The following CHRDL1 variants were observed in gnomAD, a reference collection of about 807,000 sequenced individuals.
CHRDL1 encodes the protein chordin like 1.
A neutral mutation model predicts 40.9 loss-of-function variants in CHRDL1; 19 were observed. The ratio of observed to expected loss-of-function variants is 0.46; its 90% confidence interval spans 0.32 to 0.68. The LOEUF is 0.68. Among genes scored for constraint, CHRDL1 ranks in the 30% least tolerant of loss-of-function variants. The probability of loss-of-function intolerance (pLI) is 0.03; values close to 1 mark genes in which losing one functional copy is unlikely to be tolerated. For synonymous variants in CHRDL1, 136 were observed against 123.4 expected, an observed-to-expected ratio of 1.10 and a Z score of -0.68; for missense variants, 329 against 352.1, an observed-to-expected ratio of 0.93 and a Z score of 0.53.
At chrX:110,778,781 C>T (rs190403439) in intron 2 of CHRDL1, among the ~76,000 whole-genome samples, 2 of 111,824 alleles carry the variant, frequency 1.8e-5, no homozygotes, top group East Asian at 5.6e-4. Flanking sequence ...AATCACTCTA[C>T]CATAAAGACA....
chrX:110,688,052 T>A (rs759278843), intron 9 of CHRDL1, among the ~76,000 whole-genome samples: 142 of 110,954 alleles, frequency 1.3e-3, no homozygotes, highest in Non-Finnish European at 2.3e-3. Flanking sequence ...ATAATATAAT[T>A]ATAGGATTAT....
intron 4 of CHRDL1, among the ~76,000 whole-genome samples, chrX:110,757,943 G>A (rs957799976): frequency 9.2e-6 from 1 of 108,666 alleles, no homozygotes; most frequent in Non-Finnish European, 1.9e-5. Flanking sequence ...CCATGCTCTG[G>A]GTCTGGGTCA....
chrX:110,750,369 C>T (rs1390380862), intron 4 of CHRDL1, among the ~76,000 whole-genome samples: 2 of 110,719 alleles, frequency 1.8e-5, no homozygotes, highest in African/African-American at 6.6e-5. Flanking sequence ...CTCAGAATCA[C>T]AGGTCACAGG....
At chrX:110,697,704 A>G (rs1349867714) in intron 7 of CHRDL1, among the ~76,000 whole-genome samples, 1 of 108,521 alleles carries the variant, frequency 9.2e-6, no homozygotes, top group African/African-American at 3.4e-5. Flanking sequence ...CGTAATCTAC[A>G]GGGGGCAAAA....
At chrX:110,736,153 G>A (rs1158843058) in intron 4 of CHRDL1, among the ~76,000 whole-genome samples, 1 of 112,282 alleles carries the variant, frequency 8.9e-6, no homozygotes, top group Non-Finnish European at 1.9e-5. Flanking sequence ...CGACCAAGGA[G>A]GCAGCTCATC....
At position 110,792,149 on chromosome X, in the gene CHRDL1, T is replaced by A. The variant is rs767421916; in HGVS notation, c.33A>T (p.Lys11Asn). ...GAAAGAACAACAACGAAAAGATGTA[T>A]TTCATGCCTCCCATTTTCCACTTTT... MRKKWKMGGM[K>N]YIFSLLFFLL... The change falls in exon 2 of 12, where the codon AAA becomes AAT. Residue 11 changes from lysine (K) to asparagine (N), a missense_variant. Coordinates refer to ENST00000372042, the MANE Select transcript of CHRDL1 (RefSeq NM_001143981.2). 5.8e-6 allele frequency: 7 copies of A among 1,200,319 alleles called. No homozygotes were observed. Among genetic ancestry groups the A allele is most frequent in the Non-Finnish European group, 7.9e-6 (7 of 886,526 alleles).
At chrX:110,696,335 C>A (rs1297668289) in intron 7 of CHRDL1, among the ~76,000 whole-genome samples, 2 of 111,152 alleles carry the variant, frequency 1.8e-5, no homozygotes, top group Non-Finnish European at 3.8e-5. Flanking sequence ...ACAAAATCCT[C>A]AAGAATTTTG....
chrX:110,695,984 T>A (rs2070378897), intron 7 of CHRDL1, among the ~76,000 whole-genome samples: 1 of 112,232 alleles, frequency 8.9e-6, no homozygotes, highest in South Asian at 3.7e-4. Context: ...AGTTCAAATA[T>A]TTCTCATTCC....
intron 7 of CHRDL1, among the ~76,000 whole-genome samples, chrX:110,696,644 T>C (rs1022224362): frequency 2.7e-5 from 3 of 111,631 alleles, no homozygotes; most frequent in South Asian, 3.8e-4. Flanking sequence ...AAAAGTTCAT[T>C]CAGCTACAAT....
intron 2 of CHRDL1, among the ~76,000 whole-genome samples, chrX:110,766,146 T>G (rs1460301677): frequency 9.0e-6 from 1 of 111,661 alleles, no homozygotes; most frequent in African/African-American, 3.2e-5. Flanking sequence ...TTCTTCAAAC[T>G]GAATGATAAT....
intron 4 of CHRDL1, among the ~76,000 whole-genome samples, chrX:110,740,234 T>C (rs1235315004): frequency 3.6e-5 from 4 of 112,565 alleles, no homozygotes; most frequent in Non-Finnish European, 7.5e-5. Context: ...AAGGAGTTCT[T>C]AGAGTGTGTG....
rs1178356160 is a variant in CHRDL1, at chrX:110,689,751, ATATC to A, written c.779-952_779-949del. Among the ~76,000 whole-genome samples, 31 of 54,877 alleles carry A rather than the reference ATATC, an allele frequency of 5.6e-4. 1 individual carries two copies. In the South Asian group the frequency reaches 0.021, roughly 37 times the overall value. The allele number at this position is 54,877 out of a possible 115,157, so 47.7% of individuals were successfully genotyped here. On this transcript the variant is annotated intron_variant, in intron 8 of 11. Transcript: ENST00000372042. ...TATCTATATATCTATATATATCTAT[ATATC>A]TATATATCTATATATATCTATATAT... is the stretch of plus-strand genomic sequence containing the variant.
chrX:110,749,495 G>C (rs1475885314), intron 4 of CHRDL1, among the ~76,000 whole-genome samples: 3 of 111,801 alleles, frequency 2.7e-5, no homozygotes, highest in African/African-American at 9.8e-5. Context: ...TTTGTAAGTA[G>C]CCATACATAT....
At chrX:110,767,399 C>G (rs1427490305) in intron 2 of CHRDL1, among the ~76,000 whole-genome samples, 1 of 110,490 alleles carries the variant, frequency 9.1e-6, no homozygotes, top group African/African-American at 3.3e-5. Flanking sequence ...GGAAGTCAAA[C>G]TGTCCCAGTT....
chrX:110,677,081 G>A (rs997624385), intron 11 of CHRDL1, among the ~76,000 whole-genome samples: 2 of 110,582 alleles, frequency 1.8e-5, no homozygotes, highest in Non-Finnish European at 3.8e-5. Context: ...TTATTCCTGT[G>A]CTCATGGTAC....
chrX:110,760,319 G>A lies in CHRDL1; in HGVS notation c.208-565C>T, dbSNP rs192259218. Among the ~76,000 whole-genome samples, 4 of 112,235 alleles carry A rather than the reference G, an allele frequency of 3.6e-5. No individual in the cohort carries two copies. The East Asian group carries it at 1.1e-3, about 32-fold the overall frequency. On this transcript the variant is annotated intron_variant, in intron 3 of 11. Coordinates refer to ENST00000372042, the MANE Select transcript of CHRDL1 (RefSeq NM_001143981.2). ...TTTAGCTGATTAGGTAGTATGCCTG[G>A]GTGGGGCGACTGGGTCCCTGCCTGA...
rs780889970 is a variant in CHRDL1 at position 110,775,202 on chromosome X, CA to C, written c.95-12396del. On this transcript the variant is annotated intron_variant, in intron 2 of 11. Transcript: ENST00000372042. ...AGGAACTTTCAGGAGTCATGGATAA[CA>C]AATTATGCTGTTTCAAGATGTCAGT... is the stretch of plus-strand genomic sequence containing the variant. Among the ~76,000 whole-genome samples, 19 of 111,607 alleles carry C rather than the reference CA, an allele frequency of 1.7e-4. No individual in the cohort carries two copies. The South Asian group carries it at 6.8e-3, about 40-fold the overall frequency.
chrX:110,691,922 C>T (rs2148429217), intron 8 of CHRDL1, among the ~76,000 whole-genome samples: 1 of 108,361 alleles, frequency 9.2e-6, no homozygotes, highest in African/African-American at 3.4e-5. Context: ...CCTGCCCTTA[C>T]CTCTTTTTTT....
At chrX:110,708,252 A>C (rs2070683193) in intron 6 of CHRDL1, among the ~76,000 whole-genome samples, 1 of 111,118 alleles carries the variant, frequency 9.0e-6, no homozygotes, top group South Asian at 3.9e-4. Flanking sequence ...AAGGATCTAG[A>C]ACCAGAAATA....
Sources: allele counts gnomAD v4.1 joint callset (sites outside exome capture counted in the v4.1 genomes callset), GRCh38; gene constraint gnomAD v4.1.1; transcripts MANE v1.5; gene names NCBI Gene and HGNC (gene_info 2026-07-23, HGNC 2026-07-21).